The following LHFPL3 variants were observed in gnomAD, a reference collection of about 807,000 sequenced individuals.
The protein encoded by LHFPL3 is LHFPL tetraspan subfamily member 3 protein.
A neutral mutation model predicts 19.3 loss-of-function variants in LHFPL3; 5 were observed. The ratio of observed to expected loss-of-function variants is 0.26; its 90% CI spans 0.14 to 0.54. The LOEUF is 0.54. Among genes scored for constraint, LHFPL3 ranks in the 20% least tolerant of loss-of-function variants. The pLI, the probability that LHFPL3 is intolerant of heterozygous loss-of-function variation, is 0.94. For missense variants in LHFPL3, 249 were observed against 307.4 expected, an observed-to-expected ratio of 0.81 and a Z score of 1.42; for synonymous variants, 133 against 126.2, an observed-to-expected ratio of 1.05 and a Z score of -0.36.
At chr7:104,372,515 T>C (rs1790635020) in intron 1 of LHFPL3, among the ~76,000 whole-genome samples, 1 of 152,162 alleles carries the variant, frequency 6.6e-6, no homozygotes, top group Non-Finnish European at 1.5e-5. Flanking sequence ...TGCCGTTTGA[T>C]ACACTGAGGA....
rs542351924 is a variant in LHFPL3, at chr7:104,333,201, G to A, written c.445+3977G>A. Among the ~76,000 whole-genome samples, 4 of 152,286 alleles carry A rather than the reference G, an allele frequency of 2.6e-5. No individual in the cohort carries two copies. The South Asian group carries it at 8.3e-4, about 32-fold the overall frequency. ...ACTTTGTTTGTTCTAGTGACTATAA[G>A]CCATACCTTGAATTGTTTCCAGAAG... On this transcript the variant is annotated intron_variant, in intron 1 of 2. Transcript: ENST00000424859.
chr7:104,636,144 T>A (rs966296820), intron 1 of LHFPL3, among the ~76,000 whole-genome samples: 5 of 152,190 alleles, frequency 3.3e-5, no homozygotes, highest in Non-Finnish European at 2.9e-5. Context: ...AACCAAAAGT[T>A]GAAGCATAAT....
At chr7:104,773,224 A>G (rs1794587768) in intron 2 of LHFPL3, among the ~76,000 whole-genome samples, 1 of 151,998 alleles carries the variant, frequency 6.6e-6, no homozygotes, top group South Asian at 2.1e-4. Context: ...GCTGGACTTC[A>G]CCCCCCATCC....
In LHFPL3 at chr7:104,659,913, T is replaced by C. The variant is rs79606474; in HGVS notation, c.446-76762T>C. 5.1e-3 allele frequency among the ~76,000 whole-genome samples: 782 copies of C among 152,194 alleles called. 43 individuals carry two copies. The East Asian group carries it at 0.11, about 22-fold the overall frequency. On this transcript the variant is annotated intron_variant, in intron 1 of 2. Transcript: ENST00000424859. ...GTGTGCCTGCTGGCCCAGTGGCCCC[T>C]GGAGAAAGGCCTCATGTCACTTTCC...
intron 1 of LHFPL3, among the ~76,000 whole-genome samples, chr7:104,716,701 C>T (rs1793394419): frequency 6.6e-6 from 1 of 152,156 alleles, no homozygotes; most frequent in Admixed American, 6.5e-5. Context: ...AAAGACATCT[C>T]ATGTTTATGG....
At chr7:104,595,336 C>T (rs10250705) in intron 1 of LHFPL3, among the ~76,000 whole-genome samples, 15,046 of 152,262 alleles carry the variant, frequency 0.099, 873 homozygotes, top group African/African-American at 0.16. Flanking sequence ...TGGAGTTCCA[C>T]TCCAGACCCT....
intron 1 of LHFPL3, among the ~76,000 whole-genome samples, chr7:104,546,737 G>T (rs1476912932): frequency 6.6e-6 from 1 of 152,224 alleles, no homozygotes; most frequent in Admixed American, 6.5e-5. Flanking sequence ...TGAGCTGGGA[G>T]AGTTCTTCCT....
rs561975535 is a variant in LHFPL3, at chr7:104,408,864, C to CTT, written c.445+79657_445+79658dup. ...AGGCACTAGTGTTGTAATTTTCTTT[C>CTT]TTTTTTTTTTTTTTTTTTGAGACGG... On this transcript the variant is annotated intron_variant, in intron 1 of 2. Coordinates refer to ENST00000424859, the MANE Select transcript of LHFPL3 (RefSeq NM_199000.3). Among the ~76,000 whole-genome samples the CTT allele has an allele frequency of 1.5e-4, 16 of 105,428 alleles. 1 individual carries two copies. The highest frequency in any genetic ancestry group is 4.5e-4 in the African/African-American group (12 of 26,700). The allele number at this position is 105,428 out of a possible 152,430, so 69.2% of individuals were successfully genotyped here. A position where few individuals can be genotyped will look rare whatever the true frequency, so the allele number is the denominator to read the frequency against.
At chr7:104,563,333 G>T (rs1210141848) in intron 1 of LHFPL3, among the ~76,000 whole-genome samples, 61 of 151,592 alleles carry the variant, frequency 4.0e-4, no homozygotes, top group South Asian at 6.2e-4. Flanking sequence ...CAATCAGCGA[G>T]ACTCCGTGGG....
intron 2 of LHFPL3, among the ~76,000 whole-genome samples, chr7:104,817,484 T>G (rs1790577524): frequency 1.3e-5 from 2 of 152,230 alleles, no homozygotes; most frequent in African/African-American, 4.8e-5. Flanking sequence ...CAATACAGTC[T>G]CTGGCATTCA....
chr7:104,533,990 C>T (rs2115853148), intron 1 of LHFPL3, among the ~76,000 whole-genome samples: 1 of 152,298 alleles, frequency 6.6e-6, no homozygotes, highest in South Asian at 2.1e-4. Flanking sequence ...TTTCCTTCAC[C>T]TCTTCATACC....
chr7:104,649,388 C>T (rs1791987876), intron 1 of LHFPL3, among the ~76,000 whole-genome samples: 1 of 152,182 alleles, frequency 6.6e-6, no homozygotes, highest in Admixed American at 6.5e-5. Context: ...TGGCATGAAC[C>T]TCTTACCACA....
intron 1 of LHFPL3, among the ~76,000 whole-genome samples, chr7:104,485,264 C>A (rs1027660066): frequency 7.7e-6 from 1 of 130,026 alleles, no homozygotes; most frequent in Non-Finnish European, 1.7e-5. Flanking sequence ...GCATGATAAT[C>A]CCTATTTTAT....
At chr7:104,351,301 C>T (rs1016785337) in intron 1 of LHFPL3, among the ~76,000 whole-genome samples, 1 of 152,170 alleles carries the variant, frequency 6.6e-6, no homozygotes, top group African/African-American at 2.4e-5. Flanking sequence ...CACCTTTCTT[C>T]CCTGGTTCTA....
chr7:104,774,374 C>T (rs1013440373), intron 2 of LHFPL3, among the ~76,000 whole-genome samples: 2 of 152,316 alleles, frequency 1.3e-5, no homozygotes, highest in Non-Finnish European at 2.9e-5. Context: ...TGCTAGTATC[C>T]TCACCTCACA....
At chr7:104,716,106 T>A (rs1490098001) in intron 1 of LHFPL3, among the ~76,000 whole-genome samples, 1 of 152,048 alleles carries the variant, frequency 6.6e-6, no homozygotes, top group Non-Finnish European at 1.5e-5. Flanking sequence ...CCCAGCACTT[T>A]GGGAGGCCGA....
At chr7:104,358,461 G>A (rs1429416000) in intron 1 of LHFPL3, among the ~76,000 whole-genome samples, 1 of 152,122 alleles carries the variant, frequency 6.6e-6, no homozygotes, top group Non-Finnish European at 1.5e-5. Context: ...GTTTTAGCAC[G>A]GGATTTACCT....
chr7:104,605,048 A>G (rs1254332415), intron 1 of LHFPL3, among the ~76,000 whole-genome samples: 6 of 152,120 alleles, frequency 3.9e-5, no homozygotes, highest in African/African-American at 1.4e-4. Context: ...CTCTCAGTAA[A>G]CCTAATTCTG....
chr7:104,370,837 G>A (rs1282868241), intron 1 of LHFPL3, among the ~76,000 whole-genome samples: 1 of 152,126 alleles, frequency 6.6e-6, no homozygotes, highest in Admixed American at 6.5e-5. Flanking sequence ...AGCTGAGATG[G>A]CACCACTGCA....
Sources: gnomAD v4.1 joint callset for allele counts (sites outside exome capture counted in the v4.1 genomes callset) on GRCh38, gnomAD v4.1.1 for gene constraint, MANE v1.5 for transcripts, NCBI Gene and HGNC (gene_info 2026-07-23, HGNC 2026-07-21) for gene names.